EPM2A: variants seen among roughly 807,000 people sequenced by gnomAD.
EPM2A encodes EPM2A glucan phosphatase, laforin.
EPM2A carries 21 observed loss-of-function variants against 26.5 expected under a neutral mutation model. That is an observed-to-expected ratio of 0.79 (90% CI 0.56 to 1.14). EPM2A has a LOEUF of 1.14. Ranked by LOEUF, EPM2A falls within the 50% of genes most tolerant of loss-of-function variation. The pLI is 0.00. For synonymous variants in EPM2A, 217 were observed against 177.6 expected, an observed-to-expected ratio of 1.22 and a Z score of -1.76; for missense variants, 458 against 440.8, an observed-to-expected ratio of 1.04 and a Z score of -0.35.
At chr6:145,425,123 T>TTCCTTCCTTCCTTCCTTCCA (rs1293274172) in intron 4 of EPM2A, among the ~76,000 whole-genome samples, 9 of 142,996 alleles carry the variant, frequency 6.3e-5, no homozygotes, top group Admixed American at 5.5e-4. Flanking sequence ...TCTCCCTTCC[T>TTCCTTCCTTCCTTCCTTCCA]TCCTTCCTTC....
At chr6:145,666,129 G>A (rs527416549) in intron 2 of EPM2A, among the ~76,000 whole-genome samples, 33 of 146,784 alleles carry the variant, frequency 2.2e-4, no homozygotes, top group South Asian at 1.3e-3. Context: ...CTCTCTCACC[G>A]CTCCTATTCC....
chr6:145,534,988 T>C (rs1780411546), intron 2 of EPM2A, among the ~76,000 whole-genome samples: 1 of 152,214 alleles, frequency 6.6e-6, no homozygotes, highest in South Asian at 2.1e-4. Flanking sequence ...TGATATTGTG[T>C]CATTATCAGC....
At chr6:145,656,716 G>T (rs1473135622) in intron 2 of EPM2A, among the ~76,000 whole-genome samples, 1 of 152,112 alleles carries the variant, frequency 6.6e-6, no homozygotes, top group Non-Finnish European at 1.5e-5. Context: ...TGCCAAAGGA[G>T]TTGTATGAAG....
intron 4 of EPM2A, among the ~76,000 whole-genome samples, chr6:145,456,818 C>T (rs781239255): frequency 1.3e-5 from 2 of 152,072 alleles, no homozygotes; most frequent in Non-Finnish European, 2.9e-5. Flanking sequence ...ATTCTACTGT[C>T]GGGTAGCATT....
intron 1 of EPM2A, among the ~76,000 whole-genome samples, chr6:145,713,921 C>T (rs1039736359): frequency 6.6e-6 from 1 of 152,152 alleles, no homozygotes; most frequent in Non-Finnish European, 1.5e-5. Context: ...AGAACTGAGA[C>T]ATGCTACAAC....
chr6:145,616,284 A>G (rs1451258873), intron 2 of EPM2A, among the ~76,000 whole-genome samples: 1 of 152,260 alleles, frequency 6.6e-6, no homozygotes, highest in Non-Finnish European at 1.5e-5. Context: ...GCAAGCCTCA[A>G]GCCTTGGCAG....
Position 145,626,035 on chromosome 6 carries a change from T to A in EPM2A, c.*1381A>T. 8.9e-7 allele frequency: 1 copy of A among 1,126,182 alleles called. No homozygotes were observed. The highest frequency in any genetic ancestry group is 1.1e-6 in the Non-Finnish European group (1 of 880,816). 69.8% of individuals were successfully genotyped at this position (1,126,182 alleles called of 1,614,324 possible). A position where few individuals can be genotyped will look rare whatever the true frequency, so the allele number is the denominator to read the frequency against. ...GACCTTAGTTTCCCCATCTTTATCA[T>A]GGAGATAATGAGACCTTCTTCATTG... On this transcript the variant is annotated 3_prime_UTR_variant, in exon 4 of 4. Transcript: ENST00000367519.
At chr6:145,434,096 GT>G (rs1778955912) in intron 4 of EPM2A, among the ~76,000 whole-genome samples, 1 of 151,746 alleles carries the variant, frequency 6.6e-6, no homozygotes, top group African/African-American at 2.4e-5. Context: ...TAGATTGACA[GT>G]TTTTTTCCTT....
intron 2 of EPM2A, among the ~76,000 whole-genome samples, chr6:145,657,420 C>T (rs1223927391): frequency 6.6e-6 from 1 of 152,034 alleles, no homozygotes; most frequent in Non-Finnish European, 1.5e-5. Context: ...AAATTTAATC[C>T]TTCTGATTAT....
intron 2 of EPM2A, among the ~76,000 whole-genome samples, chr6:145,664,870 C>A (rs1000264650): frequency 6.6e-6 from 1 of 151,362 alleles, no homozygotes; most frequent in African/African-American, 2.4e-5. Context: ...CACTCAAAGC[C>A]ACTCAACTAC....
At chr6:145,700,588 A>G (rs1022669447) in intron 1 of EPM2A, among the ~76,000 whole-genome samples, 5 of 152,196 alleles carry the variant, frequency 3.3e-5, no homozygotes, top group Non-Finnish European at 7.4e-5. Context: ...ACTTAAATAT[A>G]CAAATAATGC....
chr6:145,472,327 C>A (rs1410522732), intron 4 of EPM2A, among the ~76,000 whole-genome samples: 1 of 151,738 alleles, frequency 6.6e-6, no homozygotes, highest in Non-Finnish European at 1.5e-5. Context: ...TGAGACTCAG[C>A]AAATAATCAG....
chr6:145,699,224 A>T (rs1781782267), intron 1 of EPM2A, among the ~76,000 whole-genome samples: 1 of 152,230 alleles, frequency 6.6e-6, no homozygotes, highest in African/African-American at 2.4e-5. Flanking sequence ...GATAAAAGTT[A>T]TAGGAAGCCA....
chr6:145,488,855 A>C (rs751203658), intron 4 of EPM2A, among the ~76,000 whole-genome samples: 5 of 152,168 alleles, frequency 3.3e-5, no homozygotes, highest in African/African-American at 4.8e-5. Context: ...TCCCAGTTGA[A>C]ATTGGCACTT....
chr6:145,724,537 C>T (rs1776098569), intron 1 of EPM2A, among the ~76,000 whole-genome samples: 1 of 151,896 alleles, frequency 6.6e-6, no homozygotes, highest in Non-Finnish European at 1.5e-5. Flanking sequence ...AAGCATATGA[C>T]CAACAAGAGC....
Position 145,584,097 on chromosome 6 carries a change from T to C in EPM2A, c.340+51148A>G, listed in dbSNP as rs573776547. On this transcript the variant is annotated intron_variant, in intron 2 of 3. Coordinates refer to the EPM2A transcript ENST00000450221. ...CACACATGTCCTATCAGTGAAGAAG[T>C]GGGGAGGTTCACCCATGTGCGTGCA... Among the ~76,000 whole-genome samples the C allele has an allele frequency of 1.5e-3, 232 of 152,050 alleles. 1 individual carries two copies. Among genetic ancestry groups the C allele is most frequent in the African/African-American group, 5.4e-3 (222 of 41,458 alleles).
rs857876 is a variant in EPM2A, at chr6:145,656,379, C to A, written c.477-20893G>T. 1.2e-3 allele frequency among the ~76,000 whole-genome samples: 188 copies of A among 152,218 alleles called. 1 individual carries two copies. Among genetic ancestry groups the A allele is most frequent in the Non-Finnish European group, 2.2e-3 (152 of 68,038 alleles). Reference sequence around the variant, plus strand: ...GAAAGGGTAAGTGAGAGACCTCCAGCAGTCCACATCCCCACCACCAACTCC... The same window carrying A: ...GAAAGGGTAAGTGAGAGACCTCCAGAAGTCCACATCCCCACCACCAACTCC... On this transcript the variant is annotated intron_variant, in intron 2 of 3. Transcript: ENST00000367519.
At chr6:145,403,935 T>C (rs188871928) in intron 4 of EPM2A, among the ~76,000 whole-genome samples, 2 of 152,250 alleles carry the variant, frequency 1.3e-5, no homozygotes, top group Non-Finnish European at 2.9e-5. Context: ...CATTATTGCC[T>C]GTCTTTTGGA....
At chr6:145,545,186 A>C (rs1780567883) in intron 2 of EPM2A, among the ~76,000 whole-genome samples, 1 of 130,856 alleles carries the variant, frequency 7.6e-6, no homozygotes, top group Admixed American at 7.2e-5. Context: ...TATTACTTAG[A>C]AAGAGCTGCA....
Sources: allele counts gnomAD v4.1 joint callset (sites outside exome capture counted in the v4.1 genomes callset), GRCh38; gene constraint gnomAD v4.1.1; transcripts MANE v1.5; gene names NCBI Gene and HGNC (gene_info 2026-07-23, HGNC 2026-07-21).